Variants in KTN1 observed in about 807,000 individuals in gnomAD.
The protein encoded by KTN1 is kinectin 1, also known as kinectin.
KTN1 carries 130 observed loss-of-function variants against 222.5 expected under a neutral mutation model. The observed-to-expected ratio is 0.58, with a 90% confidence interval of 0.51 to 0.68. The LOEUF (loss-of-function observed/expected upper bound fraction) is 0.68, where lower values mean the gene tolerates loss of function less well. Ranked by LOEUF, KTN1 falls within the 30% of genes least tolerant of loss-of-function variation. The probability of loss-of-function intolerance (pLI) is 0.00; values close to 1 mark genes in which losing one functional copy is unlikely to be tolerated. For missense variants in KTN1, 1,508 were observed against 1,500.4 expected (o/e 1.01, Z -0.08); for synonymous variants, 512 against 496.3 (o/e 1.03, Z -0.42).
At chr14:55,583,708 T>G (rs2032271689) in intron 1 of KTN1, among the ~76,000 whole-genome samples, 1 of 152,232 alleles carries the variant, frequency 6.6e-6, no homozygotes, top group Non-Finnish European at 1.5e-5. Context: ...TTTAAATACC[T>G]ATATGCTGAT....
At chr14:55,683,088 C>T (rs1311705173) in intron 43 of KTN1, 1 of 152,112 alleles carries the variant, frequency 6.6e-6, no homozygotes, top group Non-Finnish European at 1.5e-5. Flanking sequence ...AGAGTTAATG[C>T]TCTGGAGAAA....
intron 1 of KTN1, among the ~76,000 whole-genome samples, chr14:55,582,821 A>C (rs149197764): frequency 6.9e-4 from 105 of 152,294 alleles, no homozygotes; most frequent in African/African-American, 2.5e-3. Context: ...GATCGTTCAT[A>C]TATTTGAGAA....
At chr14:55,641,802 A>G (rs1951890) in intron 18 of KTN1, 42 bp downstream of exon 18, 333,861 of 1,201,820 alleles carry the variant, frequency 0.28, 47,355 homozygotes, top group East Asian at 0.36. Flanking sequence ...TACTTGTTAT[A>G]TAACAAGATC....
chr14:55,611,621 G>C (rs2037590875), intron 1 of KTN1, among the ~76,000 whole-genome samples: 1 of 151,836 alleles, frequency 6.6e-6, no homozygotes, highest in Non-Finnish European at 1.5e-5. Context: ...CCATTGAGTT[G>C]GTAATAGTAC....
chr14:55,616,720 T>C (rs1486425193), intron 3 of KTN1, 66 bp downstream of exon 3: 2 of 1,336,192 alleles, frequency 1.5e-6, no homozygotes, highest in African/African-American at 3.0e-5. Flanking sequence ...ACAAGGACCC[T>C]GGAATCTCAC....
chr14:55,630,151 C>G, intron 7 of KTN1, 54 bp downstream of exon 7: 6 of 1,526,020 alleles, frequency 3.9e-6, no homozygotes, highest in Non-Finnish European at 2.7e-6. Flanking sequence ...ACTTTATTAG[C>G]AAACTTTTAA....
chr14:55,679,202 A>C, intron 42 of KTN1: 1 of 189,746 alleles, frequency 5.3e-6, no homozygotes, highest in Non-Finnish European at 1.1e-5. Context: ...CTTACTTACT[A>C]AGAGCTCAGT....
chr14:55,583,113 C>T (rs2032108642), intron 1 of KTN1, among the ~76,000 whole-genome samples: 1 of 151,988 alleles, frequency 6.6e-6, no homozygotes, highest in African/African-American at 2.4e-5. Context: ...GAAAATTAAA[C>T]ATTAAGGGGA....
chr14:55,634,956 A>G (rs1197152404), intron 9 of KTN1, among the ~76,000 whole-genome samples: 1 of 152,056 alleles, frequency 6.6e-6, no homozygotes, highest in African/African-American at 2.4e-5. Flanking sequence ...CAAGAACAGC[A>G]TGGGGGAAAC....
intron 1 of KTN1, among the ~76,000 whole-genome samples, chr14:55,596,916 T>C (rs954572409): frequency 1.6e-4 from 24 of 152,200 alleles, no homozygotes; most frequent in African/African-American, 5.5e-4. Context: ...TTTGATGTTT[T>C]TTCTGTCATA....
intron 13 of KTN1, 49 bp from the exon 14 acceptor site, chr14:55,639,864 T>C (rs370564124): frequency 1.4e-5 from 17 of 1,175,738 alleles, no homozygotes; most frequent in Middle Eastern, 3.9e-4. Context: ...CCTTTTGATT[T>C]GTGACTTCTG....
intron 1 of KTN1, among the ~76,000 whole-genome samples, chr14:55,592,260 T>G (rs1404909806): frequency 6.6e-6 from 1 of 152,230 alleles, no homozygotes; most frequent in Non-Finnish European, 1.5e-5. Flanking sequence ...CTGGAATTGA[T>G]TTTTGTTTCT....
At chr14:55,643,912 T>C (rs1410850670) in intron 18 of KTN1, among the ~76,000 whole-genome samples, 1 of 152,210 alleles carries the variant, frequency 6.6e-6, no homozygotes, top group African/African-American at 2.4e-5. Context: ...AGATGTGCTT[T>C]TGTTATGAAG....
chr14:55,600,206 G>A (rs2035763211), intron 1 of KTN1, among the ~76,000 whole-genome samples: 1 of 151,052 alleles, frequency 6.6e-6, no homozygotes, highest in Admixed American at 6.6e-5. Context: ...AGTGACCTAA[G>A]GTGATACACC....
intron 5 of KTN1, among the ~76,000 whole-genome samples, chr14:55,621,123 C>T (rs1012079069): frequency 1.3e-5 from 2 of 152,126 alleles, no homozygotes; most frequent in Admixed American, 6.5e-5. Context: ...TAAAACATAG[C>T]AAGAGTCGCC....
chr14:55,586,470 T>G (rs1347664998), intron 1 of KTN1, among the ~76,000 whole-genome samples: 1 of 152,198 alleles, frequency 6.6e-6, no homozygotes. Context: ...AGGTAGGTAC[T>G]ATTTGGTGAA....
chr14:55,657,146 G>A (rs1381686314), intron 29 of KTN1, among the ~76,000 whole-genome samples: 4 of 152,046 alleles, frequency 2.6e-5, no homozygotes, highest in African/African-American at 9.7e-5. Flanking sequence ...TTTAAATTTT[G>A]TTAGACAATG....
At chr14:55,585,131 CAAAAAAAAA>C (rs752597184) in intron 1 of KTN1, among the ~76,000 whole-genome samples, 1 of 54,530 alleles carries the variant, frequency 1.8e-5, no homozygotes, top group South Asian at 6.7e-4. Flanking sequence ...GACTGTGTCT[CAAAAAAAAA>C]AAAAAAAAAA....
intron 31 of KTN1, among the ~76,000 whole-genome samples, chr14:55,660,431 G>T: frequency 7.9e-6 from 1 of 126,272 alleles, no homozygotes. Flanking sequence ...TTTTCTTGTT[G>T]GCCTGTAATT....
Sources: allele counts gnomAD v4.1 joint callset (sites outside exome capture counted in the v4.1 genomes callset), GRCh38; gene constraint gnomAD v4.1.1; transcripts MANE v1.5; gene names NCBI Gene and HGNC (gene_info 2026-07-23, HGNC 2026-07-21).